MEIS2: variants seen among roughly 807,000 people sequenced by gnomAD.
MEIS2 encodes homeobox protein Meis2.
Under a neutral mutation model 58.6 loss-of-function variants are expected in MEIS2, and 9 were observed. The ratio of observed to expected loss-of-function variants is 0.15; its 90% CI spans 0.09 to 0.27. The LOEUF (loss-of-function observed/expected upper bound fraction) is 0.27, where lower values mean the gene tolerates loss of function less well. Among genes scored for constraint, MEIS2 ranks in the 10% least tolerant of loss-of-function variants. The pLI, the probability that MEIS2 is intolerant of heterozygous loss-of-function variation, is 1.00. For synonymous variants in MEIS2, 221 were observed against 228.4 expected (o/e 0.97, Z 0.29); for missense variants, 427 against 635.0 (o/e 0.67, Z 3.52).
At chr15:37,027,683 A>G (rs1185968731) in intron 8 of MEIS2, among the ~76,000 whole-genome samples, 2 of 152,114 alleles carry the variant, frequency 1.3e-5, no homozygotes, top group Non-Finnish European at 2.9e-5. Context: ...CTAAACTTTG[A>G]GCTAATAATT....
chr15:37,086,330 T>C (rs1018036992), intron 6 of MEIS2, among the ~76,000 whole-genome samples: 2 of 152,222 alleles, frequency 1.3e-5, no homozygotes, highest in Non-Finnish European at 2.9e-5. Flanking sequence ...GGTTTGTCCC[T>C]ATCAGCTAAA....
chr15:36,978,295 G>A (rs2059823050), intron 8 of MEIS2, among the ~76,000 whole-genome samples: 1 of 152,138 alleles, frequency 6.6e-6, no homozygotes, highest in African/African-American at 2.4e-5. Context: ...TTACATTTTT[G>A]CTAATCCCTA....
At chr15:37,023,769 C>T (rs2141683270) in intron 8 of MEIS2, among the ~76,000 whole-genome samples, 1 of 152,254 alleles carries the variant, frequency 6.6e-6, no homozygotes. Context: ...CCATCACCCT[C>T]GCCACAGTTC....
In MEIS2 at chr15:36,913,924, T is replaced by C. The variant is rs575361514; in HGVS notation, c.978-17238A>G. 2.2e-4 allele frequency among the ~76,000 whole-genome samples: 33 copies of C among 152,302 alleles called. No homozygotes were observed. The South Asian group carries it at 6.8e-3, about 32-fold the overall frequency. ...CCCCAAGAATCAAACTAAACTGATA[T>C]CATATTGTGTCCACTTGCTGCCACT... On this transcript the variant is annotated intron_variant, in intron 9 of 11. Coordinates refer to ENST00000561208, the MANE Select transcript of MEIS2 (RefSeq NM_170675.5).
At position 37,098,042 on chromosome 15, in the gene MEIS2, T is replaced by G; in HGVS notation, c.170A>C (p.His57Pro). Residue 57 changes from histidine (H) to proline (P), a missense_variant, in exon 2 of 12, where the codon CAC becomes CCC. Physicochemically the swap from His to Pro is moderately conservative, Grantham distance 77 (BLOSUM62 -2). This residue lies in a region of MEIS2 where 103 missense variants were observed against 111.8 expected (regional missense o/e 0.92). Transcript: ENST00000561208. ...CATACTGGCCGGCATGACATTGGGG[T>G]GCGGGGCGTGCGCGCCGTAGTGCTG... is the stretch of plus-strand genomic sequence containing the variant. ...ATQHYGAHAP[H>P]PNVMPASMGS... The G allele has an allele frequency of 6.2e-7, 1 of 1,613,182 alleles. No individual in the cohort carries two copies. Among genetic ancestry groups the G allele is most frequent in the Non-Finnish European group, 8.5e-7 (1 of 1,179,524 alleles).
intron 9 of MEIS2, among the ~76,000 whole-genome samples, chr15:36,949,478 A>G (rs2058682526): frequency 6.6e-6 from 1 of 152,066 alleles, no homozygotes; most frequent in South Asian, 2.1e-4. Context: ...TCTCATTTGT[A>G]AATACAACCT....
chr15:36,971,409 T>G (rs1167176844), intron 8 of MEIS2, among the ~76,000 whole-genome samples: 44 of 151,706 alleles, frequency 2.9e-4, no homozygotes, highest in Non-Finnish European at 2.9e-5. Context: ...AAAATTAGAT[T>G]GCCTATATGC....
At chr15:36,978,681 T>C (rs2059837184) in intron 8 of MEIS2, among the ~76,000 whole-genome samples, 1 of 152,234 alleles carries the variant, frequency 6.6e-6, no homozygotes, top group South Asian at 2.1e-4. Context: ...CTTTCCATAC[T>C]TATTTGAATT....
chr15:36,957,419 G>A (rs139050016), intron 8 of MEIS2, among the ~76,000 whole-genome samples: 53 of 152,212 alleles, frequency 3.5e-4, no homozygotes, highest in Non-Finnish European at 5.6e-4. Context: ...TCCCTTACCC[G>A]GCTGCTGAAG....
chr15:36,986,377 T>C (rs2060093414), intron 8 of MEIS2, among the ~76,000 whole-genome samples: 1 of 152,164 alleles, frequency 6.6e-6, no homozygotes. Flanking sequence ...TGTTAGACAC[T>C]GCAATTAGGG....
chr15:37,091,250 C>A (rs755630879), intron 6 of MEIS2, among the ~76,000 whole-genome samples: 4 of 152,128 alleles, frequency 2.6e-5, no homozygotes, highest in Non-Finnish European at 5.9e-5. Flanking sequence ...AATCAATACA[C>A]CTATGGTACA....
intron 8 of MEIS2, among the ~76,000 whole-genome samples, chr15:37,009,089 A>T (rs975312472): frequency 1.3e-5 from 2 of 152,138 alleles, no homozygotes; most frequent in Non-Finnish European, 2.9e-5. Context: ...GGAGATAGAG[A>T]CCATCCTGGC....
chr15:36,906,171 C>T (rs2056725745), intron 9 of MEIS2, among the ~76,000 whole-genome samples: 1 of 152,208 alleles, frequency 6.6e-6, no homozygotes, highest in East Asian at 1.9e-4. Context: ...CTATGATTAA[C>T]ACGCAATCTG....
chr15:37,000,905 G>A (rs534897434), intron 8 of MEIS2, among the ~76,000 whole-genome samples: 31 of 151,992 alleles, frequency 2.0e-4, no homozygotes, highest in African/African-American at 6.8e-4. Context: ...GTCCACTTCC[G>A]GACCCCCCAC....
intron 7 of MEIS2, among the ~76,000 whole-genome samples, chr15:37,076,860 C>T (rs991419421): frequency 9.9e-5 from 15 of 152,046 alleles, no homozygotes; most frequent in African/African-American, 3.6e-4. Flanking sequence ...CAATTCACAG[C>T]ATTGTTATAA....
intron 6 of MEIS2, among the ~76,000 whole-genome samples, chr15:37,089,095 C>G (rs530971755): frequency 2.0e-5 from 3 of 148,532 alleles, no homozygotes; most frequent in Admixed American, 1.3e-4. Flanking sequence ...GCAGCAGCAA[C>G]ACAACAGAAA....
chr15:37,011,904 C>T (rs892529614), intron 8 of MEIS2, among the ~76,000 whole-genome samples: 1 of 152,068 alleles, frequency 6.6e-6, no homozygotes, highest in Admixed American at 6.5e-5. Flanking sequence ...AGGTGTGAGG[C>T]ACTGCGCCCG....
chr15:36,914,186 G>A (rs774195046), intron 9 of MEIS2, among the ~76,000 whole-genome samples: 2 of 152,180 alleles, frequency 1.3e-5, no homozygotes, highest in African/African-American at 4.8e-5. Context: ...TTCTGAGGAT[G>A]TACATGTGTG....
intron 8 of MEIS2, among the ~76,000 whole-genome samples, chr15:37,000,978 C>T (rs561515633): frequency 2.0e-5 from 3 of 152,080 alleles, no homozygotes; most frequent in African/African-American, 4.8e-5. Context: ...CTCTACAGAC[C>T]GAAAGGTCAC....
Sources: allele counts gnomAD v4.1 joint callset (sites outside exome capture counted in the v4.1 genomes callset), GRCh38; gene constraint gnomAD v4.1.1; regional missense constraint gnomAD v4.1.1; transcripts MANE v1.5; gene names NCBI Gene and HGNC (gene_info 2026-07-23, HGNC 2026-07-21).